Variants in CNTRL observed in about 807,000 individuals in gnomAD.
CNTRL encodes the protein centriolin.
CNTRL carries 233 observed loss-of-function variants against 303.7 expected under a neutral mutation model. That is an observed-to-expected ratio of 0.77 (90% confidence interval 0.69 to 0.86). The LOEUF (loss-of-function observed/expected upper bound fraction) is 0.86, where lower values mean the gene tolerates loss of function less well. Ranked by LOEUF, CNTRL falls within the 40% of genes least tolerant of loss-of-function variation. The pLI, the probability that CNTRL is intolerant of heterozygous loss-of-function variation, is 0.00. For missense variants in CNTRL, 2,524 were observed against 2,650.6 expected, an observed-to-expected ratio of 0.95 and a Z score of 1.05; for synonymous variants, 900 against 922.2, an observed-to-expected ratio of 0.98 and a Z score of 0.44.
At chr9:121,082,606 A>G (rs2048182434) in intron 2 of CNTRL, among the ~76,000 whole-genome samples, 1 of 152,196 alleles carries the variant, frequency 6.6e-6, no homozygotes, top group South Asian at 2.1e-4. Context: ...TAGACTACAA[A>G]CCTGTACAGC....
chr9:121,167,775 G>A, intron 37 of CNTRL, 98 bp downstream of exon 37: 1 of 1,063,282 alleles, frequency 9.4e-7, no homozygotes, highest in African/African-American at 1.6e-5. Flanking sequence ...TATCCCCAAT[G>A]GGACTATGTG....
At chr9:121,158,472 G>A (rs1026999598) in intron 30 of CNTRL, 2 of 226,268 alleles carry the variant, frequency 8.8e-6, no homozygotes, top group South Asian at 1.0e-4. Flanking sequence ...AAACAAATAC[G>A]TATTGTCTTT....
chr9:121,095,083 G>C (rs2048832876), intron 5 of CNTRL, 65 bp downstream of exon 5: 1 of 1,201,144 alleles, frequency 8.3e-7, no homozygotes, highest in African/African-American at 1.6e-5. Flanking sequence ...GTAGATTAAT[G>C]TTATCCACAT....
At position 121,074,993 on chromosome 9, in the gene CNTRL, G is replaced by T. The variant is rs1401666231; in HGVS notation, c.-279G>T. The T allele has an allele frequency of 2.2e-6, 1 of 455,418 alleles. No homozygotes were observed. The highest frequency in any genetic ancestry group is 2.0e-5 in the African/African-American group (1 of 50,094). 28.2% of individuals were successfully genotyped at this position (455,418 alleles called of 1,614,324 possible). A position where few individuals can be genotyped will look rare whatever the true frequency, so the allele number is the denominator to read the frequency against. ...CAACAAAATGGCTGCCGCGCCGCTG[G>T]GCCCCTGAGGAAAGAGCCCGAACTT... is the stretch of plus-strand genomic sequence containing the variant. On this transcript the variant is annotated 5_prime_UTR_variant, in exon 1 of 44. Coordinates refer to ENST00000373855, the MANE Select transcript of CNTRL (RefSeq NM_007018.6).
At chr9:121,145,693 G>A (rs965033012) in intron 22 of CNTRL, among the ~76,000 whole-genome samples, 3 of 152,026 alleles carry the variant, frequency 2.0e-5, no homozygotes, top group Non-Finnish European at 2.9e-5. Context: ...TCAGGAGTTC[G>A]AGACCAGCCT....
At position 121,173,468 on chromosome 9, in the gene CNTRL, C is replaced by T. The variant is rs375998545; in HGVS notation, c.6643C>T (p.Pro2215Ser). Residue 2215 changes from proline to serine, a missense_variant, in exon 41 of 44, where the codon CCT (proline) becomes TCT (serine). Physicochemically the swap from Pro to Ser is moderately conservative, Grantham distance 74. Coordinates refer to ENST00000373855, the MANE Select transcript of CNTRL (RefSeq NM_007018.6). ...CCTTCCATTTACCATGAATGAGGGA[C>T]CTTTTGAAGAAAAACTGAACTTTTC... ...ENLPFTMNEG[P>S]FEEKLNFSQV... The T allele has an allele frequency of 1.2e-5, 19 of 1,613,494 alleles. No individual in the cohort carries two copies. The East Asian group carries it at 4.2e-4, about 36-fold the overall frequency.
At chr9:121,089,974 A>G (rs1210582882) in intron 3 of CNTRL, among the ~76,000 whole-genome samples, 1 of 152,134 alleles carries the variant, frequency 6.6e-6, no homozygotes, top group Admixed American at 6.5e-5. Context: ...TCTTTGTATC[A>G]TTATAGTTAC....
At chr9:121,106,308 C>T (rs2049467075) in intron 7 of CNTRL, among the ~76,000 whole-genome samples, 2 of 142,550 alleles carry the variant, frequency 1.4e-5, no homozygotes, top group Admixed American at 7.5e-5. Context: ...CACTCCACTT[C>T]AGCCTGGGCG....
At chr9:121,144,115 A>G (rs376994022) in intron 20 of CNTRL, 33 bp downstream of exon 20, 291 of 1,532,992 alleles carry the variant, frequency 1.9e-4, no homozygotes, top group Non-Finnish European at 2.1e-4. Flanking sequence ...GGTTTCCATC[A>G]ATGATGCTGC....
chr9:121,177,001 A>AT (rs1363508403), intron 43 of CNTRL, among the ~76,000 whole-genome samples, 162 bp from the exon 44 acceptor site: 2 of 151,860 alleles, frequency 1.3e-5, no homozygotes, highest in Non-Finnish European at 2.9e-5. Flanking sequence ...TAACCGTTTA[A>AT]TTTTTTCTCT....
chr9:121,076,376 A>T (rs2047925653), intron 1 of CNTRL, among the ~76,000 whole-genome samples: 1 of 152,098 alleles, frequency 6.6e-6, no homozygotes, highest in Admixed American at 6.6e-5. Flanking sequence ...TTTTAATAGG[A>T]TGGAGAAGGA....
At chr9:121,075,190 G>A in intron 1 of CNTRL, 123 bp downstream of exon 1, 1 of 339,230 alleles carries the variant, frequency 2.9e-6, no homozygotes. Flanking sequence ...GATTCGGGGC[G>A]GGGGCGCGTG....
chr9:121,079,762 A>G (rs2048067177), intron 1 of CNTRL, among the ~76,000 whole-genome samples: 1 of 152,238 alleles, frequency 6.6e-6, no homozygotes, highest in African/African-American at 2.4e-5. Context: ...ACAAAAAAAG[A>G]CGGGGTTTTT....
At chr9:121,173,170 C>A in intron 40 of CNTRL, 73 bp from the exon 41 acceptor site, 1 of 1,307,208 alleles carries the variant, frequency 7.6e-7, no homozygotes, top group Non-Finnish European at 1.1e-6. Flanking sequence ...AAATACATGG[C>A]ACATCATACA....
intron 7 of CNTRL, among the ~76,000 whole-genome samples, chr9:121,104,382 G>T (rs2049347585): frequency 6.6e-6 from 1 of 152,152 alleles, no homozygotes; most frequent in African/African-American, 2.4e-5. Flanking sequence ...TCATGGGGTG[G>T]GGCTAGAGGG....
chr9:121,130,949 G>C (rs1054493061), intron 14 of CNTRL, among the ~76,000 whole-genome samples: 2 of 152,192 alleles, frequency 1.3e-5, no homozygotes, highest in Non-Finnish European at 2.9e-5. Flanking sequence ...TTTTGAGTGA[G>C]TTTCTTAATC....
chr9:121,166,785 G>T (rs2053108828), intron 36 of CNTRL, among the ~76,000 whole-genome samples: 1 of 152,144 alleles, frequency 6.6e-6, no homozygotes, highest in Non-Finnish European at 1.5e-5. Flanking sequence ...ACTTTGGGAG[G>T]CCAAGGCGGG....
chr9:121,154,866 C>CG lies in CNTRL; in HGVS notation c.4319dup (p.Leu1441ThrfsTer6). On this transcript the variant is annotated frameshift_variant, in exon 27 of 44. Coordinates refer to ENST00000373855, the MANE Select transcript of CNTRL (RefSeq NM_007018.6). LOFTEE classifies it high-confidence loss of function. ...TCGCTCAGAGCTCAGGGAAGCTGACCGACTCCTGGCAGAGGCTGAGAGTGA... is the reference window on the plus strand; with the variant it reads ...TCGCTCAGAGCTCAGGGAAGCTGACCGGACTCCTGGCAGAGGCTGAGAGTGA... The CG allele has an allele frequency of 2.5e-6, 4 of 1,614,106 alleles. No homozygotes were observed. The highest frequency in any genetic ancestry group is 3.4e-6 in the Non-Finnish European group (4 of 1,179,998).
rs2052648734 is a variant in CNTRL at position 121,157,750 on chromosome 9, G to C, written c.4507G>C (p.Ala1503Pro). 3 of 1,614,128 alleles carry C rather than the reference G, an allele frequency of 1.9e-6. No homozygotes were observed. The highest frequency in any genetic ancestry group is 2.7e-5 in the African/African-American group (2 of 75,038). ...KADQQLRSLQ[A>P]DAKDLEQHKI... ...AGCAATGTGCTTTAGATCGCTCCAG[G>C]CTGATGCAAAGGATTTGGAGCAGCA... The change falls in exon 29 of 44, where the codon GCT becomes CCT. Residue 1503 changes from alanine (A) to proline (P), a missense_variant. Physicochemically the swap from Ala to Pro is conservative, Grantham distance 27. Transcript: ENST00000373855.
Sources: gnomAD v4.1 joint callset for allele counts (sites outside exome capture counted in the v4.1 genomes callset) on GRCh38, gnomAD v4.1.1 for gene constraint, MANE v1.5 for transcripts, NCBI Gene and HGNC (gene_info 2026-07-23, HGNC 2026-07-21) for gene names.